RNF167: variants seen among roughly 807,000 people sequenced by gnomAD.
RNF167 encodes E3 ubiquitin-protein ligase RNF167.
RNF167 carries 19 observed loss-of-function variants against 34.8 expected under a neutral mutation model. That is an observed-to-expected ratio of 0.55 (90% CI 0.38 to 0.80). The LOEUF is 0.80. RNF167 is among the 30% of genes least tolerant of loss of function. The probability of loss-of-function intolerance (pLI) is 0.00; values close to 1 mark genes in which losing one functional copy is unlikely to be tolerated. For synonymous variants in RNF167, 200 were observed against 170.4 expected (o/e 1.17, Z -1.35); for missense variants, 464 against 447.0 (o/e 1.04, Z -0.34).
chr17:4,943,288 A>G lies in RNF167; in HGVS notation c.576+4A>G. The G allele has an allele frequency of 6.2e-7, 1 of 1,612,828 alleles. No individual in the cohort carries two copies. Among genetic ancestry groups the G allele is most frequent in the Non-Finnish European group, 8.5e-7 (1 of 1,178,924 alleles). ...TTTGGCCATGGGAGCAGTAATGGTG[A>G]GTAGCTGAGGGAACATGATGGGAAG... On this transcript the variant is annotated splice_donor_region_variant and intron_variant, in intron 7 of 9. Coordinates refer to ENST00000262482, the MANE Select transcript of RNF167 (RefSeq NM_015528.3).
intron 2 of RNF167, 32 bp downstream of exon 2, chr17:4,941,025 C>A: frequency 6.2e-7 from 1 of 1,613,698 alleles, no homozygotes; most frequent in Non-Finnish European, 8.5e-7. Context: ...GGAAAGGGCG[C>A]TGAAAGGAAG....
intron 6 of RNF167, 62 bp downstream of exon 6, chr17:4,943,003 C>T: frequency 6.7e-7 from 1 of 1,500,398 alleles, no homozygotes; most frequent in Non-Finnish European, 9.3e-7. Flanking sequence ...AACCTGGAGC[C>T]CAGGCCTCCT....
intron 8 of RNF167, among the ~76,000 whole-genome samples, chr17:4,944,063 T>C (rs942799031): frequency 6.6e-6 from 1 of 152,222 alleles, no homozygotes; most frequent in Admixed American, 6.5e-5. Context: ...TTCTTCTGTT[T>C]TTATGCATAA....
chr17:4,942,867 G>A lies in RNF167; in HGVS notation c.396G>A (p.Gln132=), dbSNP rs1297346082. 6.2e-7 allele frequency: 1 copy of A among 1,614,044 alleles called. No homozygotes were observed. Among genetic ancestry groups the A allele is most frequent in the Non-Finnish European group, 8.5e-7 (1 of 1,179,980 alleles). The change falls in exon 6 of 10, where the codon CAG becomes CAA. Residue 132 remains glutamine, a synonymous_variant. Coordinates refer to ENST00000262482, the MANE Select transcript of RNF167 (RefSeq NM_015528.3). ...TCCCTGCAGAGGAAATCCAGCAGCA[G>A]ATCTGGATCCCGTCTGTATTTATTG... is the stretch of plus-strand genomic sequence containing the variant. ...MVWNSEEIQQ[Q]IWIPSVFIGE... is the part of the protein sequence containing the mutation.
At chr17:4,942,223 A>G in intron 3 of RNF167, 118 bp from the exon 4 acceptor site, 1 of 1,175,804 alleles carries the variant, frequency 8.5e-7, no homozygotes, top group East Asian at 2.4e-5. Flanking sequence ...GACCCCAGGA[A>G]GGAGGAGGAA....
In RNF167 at chr17:4,940,623, G is replaced by T. The variant is rs1331999392; in HGVS notation, c.-287G>T. 3.8e-5 allele frequency: 13 copies of T among 342,730 alleles called. No homozygotes were observed. The highest frequency in any genetic ancestry group is 6.9e-5 in the Non-Finnish European group (13 of 189,726). The allele number at this position is 342,730 out of a possible 1,614,324, so 21.2% of individuals were successfully genotyped here. On this transcript the variant is annotated 5_prime_UTR_variant, in exon 2 of 10. Coordinates refer to ENST00000262482, the MANE Select transcript of RNF167 (RefSeq NM_015528.3). ...CTCCTTGAGCTCCGCCACCCTTCCC[G>T]AAGTTTTTCTGTCACCTGTGTTAGG... is the stretch of plus-strand genomic sequence containing the variant.
At position 4,945,058 on chromosome 17, in the gene RNF167, A is replaced by AC. The variant is rs770887193; in HGVS notation, c.*44dup. 5.3e-5 allele frequency: 78 copies of AC among 1,469,606 alleles called. No individual in the cohort carries two copies. Among genetic ancestry groups the AC allele is most frequent in the Non-Finnish European group, 7.0e-5 (77 of 1,096,680 alleles). The allele number at this position is 1,469,606 out of a possible 1,614,324, so 91.0% of individuals were successfully genotyped here. On this transcript the variant is annotated 3_prime_UTR_variant, in exon 10 of 10. Transcript: ENST00000262482. ...CACCTCTGGTGACCTATTTGCACAG[A>AC]CCGTCGTCTTCCCTCCAGTCTTCTG...
Position 4,945,116 on chromosome 17 carries a change from C to T in RNF167, c.*100C>T, listed in dbSNP as rs1375333998. 12 of 1,137,196 alleles carry T rather than the reference C, an allele frequency of 1.1e-5. 1 individual carries two copies. In the South Asian group the frequency reaches 1.5e-4, roughly 14 times the overall value. 70.4% of individuals were successfully genotyped at this position (1,137,196 alleles called of 1,614,324 possible). Reference sequence around the variant, plus strand: ...GGGGACATTCCATCCCAAGCTTCTCCCTTACCCACACCTATCCTTTTGAGG... The same window carrying T: ...GGGGACATTCCATCCCAAGCTTCTCTCTTACCCACACCTATCCTTTTGAGG... On this transcript the variant is annotated 3_prime_UTR_variant, in exon 10 of 10. Coordinates refer to ENST00000262482, the MANE Select transcript of RNF167 (RefSeq NM_015528.3).
chr17:4,940,771 C>CCCAT lies in RNF167; in HGVS notation c.-138_-135dup, dbSNP rs1970712445. On this transcript the variant is annotated 5_prime_UTR_variant, in exon 2 of 10. It adds an upstream start codon to the 5' untranslated region. Coordinates refer to ENST00000262482, the MANE Select transcript of RNF167 (RefSeq NM_015528.3). ...GAGTTGGTGTTCCTTCCCCGGCGCC[C>CCCAT]CCATGTAGCTGGGAAGTGGGACCTG... 3 of 681,230 alleles carry CCCAT rather than the reference C, an allele frequency of 4.4e-6. No individual in the cohort carries two copies. The highest frequency in any genetic ancestry group is 8.5e-4 in the Middle Eastern group (2 of 2,356). The allele number at this position is 681,230 out of a possible 1,614,324, so 42.2% of individuals were successfully genotyped here. A position where few individuals can be genotyped will look rare whatever the true frequency, so the allele number is the denominator to read the frequency against.
rs527512122 is a variant in RNF167 at position 4,944,747 on chromosome 17, A to G, written c.784A>G (p.Thr262Ala). ...YHSRCVDPWL[T>A]QTRKTCPICK... ...CAGCCGCTGCGTGGACCCCTGGCTC[A>G]CTCAGACCCGGAAGACCTGCCCCAT... Residue 262 changes from threonine to alanine, a missense_variant, in exon 10 of 10, where the codon ACT (threonine) becomes GCT (alanine). Physicochemically the swap from Thr to Ala is moderately conservative, Grantham distance 58 (BLOSUM62 0). Transcript: ENST00000262482. 79 of 1,613,596 alleles carry G rather than the reference A, an allele frequency of 4.9e-5. 1 individual carries two copies. In the South Asian group the frequency reaches 7.8e-4, roughly 16 times the overall value.
rs1970888297 is a variant in RNF167, at chr17:4,942,281, C to T, written c.166-60C>T. 15 of 1,592,330 alleles carry T rather than the reference C, an allele frequency of 9.4e-6. No individual in the cohort carries two copies. In the East Asian group the frequency reaches 3.4e-4, roughly 36 times the overall value. ...ATGTGGGCTGGTGTGTTTGGTGGCC[C>T]CTGTAGAGAGCAGAATCTAGAAAGG... is the stretch of plus-strand genomic sequence containing the variant. On this transcript the variant is annotated intron_variant, in intron 3 of 9. Transcript: ENST00000262482.
rs758028465 is a variant in RNF167, at chr17:4,944,847, A to T, written c.884A>T (p.Asp295Val). 18 of 1,613,602 alleles carry T rather than the reference A, an allele frequency of 1.1e-5. No individual in the cohort carries two copies. In the African/African-American group the frequency reaches 2.1e-4, roughly 19 times the overall value. The change falls in exon 10 of 10, where the codon GAT becomes GTT. Residue 295 changes from aspartate (D) to valine (V), a missense_variant. Physicochemically the swap from Asp to Val is radical, Grantham distance 152. Coordinates refer to ENST00000262482, the MANE Select transcript of RNF167 (RefSeq NM_015528.3). Reference protein sequence around the residue: ...EEETQGQEEGDEGEPRDHPAS... With the variant: ...EEETQGQEEGVEGEPRDHPAS... ...GAAACTCAAGGGCAAGAGGAGGGTG[A>T]TGAAGGGGAGCCAAGGGACCACCCT...
rs752769089 is a variant in RNF167 at position 4,944,830 on chromosome 17, A to G, written c.867A>G (p.Gln289=). 6.2e-7 allele frequency: 1 copy of G among 1,612,368 alleles called. No individual in the cohort carries two copies. The highest frequency in any genetic ancestry group is 8.5e-7 in the Non-Finnish European group (1 of 1,179,326). ...PGDEDQEEET[Q]GQEEGDEGEP... is the part of the protein sequence containing the mutation. ...ACGAAGACCAAGAGGAAGAAACTCAAGGGCAAGAGGAGGGTGATGAAGGGG... is the reference window on the plus strand; with the variant it reads ...ACGAAGACCAAGAGGAAGAAACTCAGGGGCAAGAGGAGGGTGATGAAGGGG... Residue 289 remains glutamine, a synonymous_variant, in exon 10 of 10, where the codon CAA becomes CAG. Transcript: ENST00000262482.
At chr17:4,940,110 T>C, upstream of RNF167, 1 of 440,510 alleles carries the variant, frequency 2.3e-6, no homozygotes, top group Non-Finnish European at 4.0e-6. Flanking sequence ...AGGAGGAGCT[T>C]GATGGAAGCG....
At position 4,942,379 on chromosome 17, in the gene RNF167, C is replaced by T. The variant is rs1597664261; in HGVS notation, c.204C>T (p.Ser68=). ...AGGCTCACCCAGACAATGCCTGCAG[C>T]CCCATTGCCCCACCACCCCCAGCCC... ...LVEAHPDNAC[S]PIAPPPPAPV... The change falls in exon 4 of 10, where the codon AGC becomes AGT. Residue 68 remains serine, a synonymous_variant. Transcript: ENST00000262482. 1.2e-6 allele frequency: 2 copies of T among 1,613,820 alleles called. No individual in the cohort carries two copies. The highest frequency in any genetic ancestry group is 1.3e-5 in the African/African-American group (1 of 74,886).
chr17:4,940,922 GC>G lies in RNF167; in HGVS notation c.15del (p.Phe6SerfsTer44). 1 of 1,607,752 alleles carries G rather than the reference GC, an allele frequency of 6.2e-7. No homozygotes were observed. ...TCCTCCCGCTGCCATGCACCCTGCA[GC>G]CTTCCCGCTTCCTGTGGTTGTGGCC... MHPA[A>X]FPLPVVVAAV... On this transcript the variant is annotated frameshift_variant, in exon 2 of 10. Coordinates refer to ENST00000262482, the MANE Select transcript of RNF167 (RefSeq NM_015528.3). LOFTEE classifies it high-confidence loss of function.
chr17:4,943,299 G>A lies in RNF167; in HGVS notation c.576+15G>A, dbSNP rs748203522. ...GAGCAGTAATGGTGAGTAGCTGAGGGAACATGATGGGAAGCACTGAGGCCT... is the reference window on the plus strand; with the variant it reads ...GAGCAGTAATGGTGAGTAGCTGAGGAAACATGATGGGAAGCACTGAGGCCT... On this transcript the variant is annotated intron_variant, in intron 7 of 9. Coordinates refer to ENST00000262482, the MANE Select transcript of RNF167 (RefSeq NM_015528.3). 1.9e-6 allele frequency: 3 copies of A among 1,610,126 alleles called. No individual in the cohort carries two copies. Among genetic ancestry groups the A allele is most frequent in the East Asian group, 2.2e-5 (1 of 44,876 alleles).
chr17:4,941,243 C>G, intron 3 of RNF167, 86 bp downstream of exon 3: 1 of 1,240,756 alleles, frequency 8.1e-7, no homozygotes, highest in South Asian at 1.3e-5. Flanking sequence ...GCAAGATCCT[C>G]CATCCTAGGC....
Position 4,943,118 on chromosome 17 carries a change from T to C in RNF167, c.471-61T>C, listed in dbSNP as rs977937276. 8 of 1,470,158 alleles carry C rather than the reference T, an allele frequency of 5.4e-6. No homozygotes were observed. In the African/African-American group the frequency reaches 1.1e-4, roughly 20 times the overall value. 91.1% of individuals were successfully genotyped at this position (1,470,158 alleles called of 1,614,324 possible). ...GCTTTGTCCAGAGCCAGTTACTTTGTCCCTCTTTTTTTCTCCCTTTGCCTT... is the reference window on the plus strand; with the variant it reads ...GCTTTGTCCAGAGCCAGTTACTTTGCCCCTCTTTTTTTCTCCCTTTGCCTT... On this transcript the variant is annotated intron_variant, in intron 6 of 9. Coordinates refer to ENST00000262482, the MANE Select transcript of RNF167 (RefSeq NM_015528.3).
Sources: gnomAD v4.1 joint callset for allele counts (sites outside exome capture counted in the v4.1 genomes callset) on GRCh38, gnomAD v4.1.1 for gene constraint, MANE v1.5 for transcripts, NCBI Gene and HGNC (gene_info 2026-07-23, HGNC 2026-07-21) for gene names.